Variants in SIL1 observed in about 807,000 individuals in gnomAD.
SIL1 encodes nucleotide exchange factor SIL1.
Under a neutral mutation model 49.1 loss-of-function variants are expected in SIL1, and 40 were observed. The ratio of observed to expected loss-of-function variants is 0.81; its 90% CI spans 0.63 to 1.06. The LOEUF (loss-of-function observed/expected upper bound fraction) is 1.06. SIL1 is among the 50% of genes least tolerant of loss of function. SIL1 has a pLI of 0.00. For missense variants in SIL1, 500 were observed against 572.6 expected, an observed-to-expected ratio of 0.87 and a Z score of 1.29; for synonymous variants, 253 against 250.8, an observed-to-expected ratio of 1.01 and a Z score of -0.08.
At chr5:138,994,909 T>G (rs1055231676) in intron 7 of SIL1, among the ~76,000 whole-genome samples, 1 of 152,214 alleles carries the variant, frequency 6.6e-6, no homozygotes, top group Non-Finnish European at 1.5e-5. Context: ...CCTCTTCCTG[T>G]GTCCATGTGT....
intron 7 of SIL1, among the ~76,000 whole-genome samples, chr5:138,967,651 C>T (rs1215727774): frequency 3.3e-5 from 5 of 152,076 alleles, no homozygotes; most frequent in East Asian, 1.9e-4. Flanking sequence ...ATAAAAGGGA[C>T]GTTAGATGTT....
chr5:139,044,248 C>A (rs1769104639), intron 4 of SIL1, among the ~76,000 whole-genome samples: 1 of 152,180 alleles, frequency 6.6e-6, no homozygotes, highest in Non-Finnish European at 1.5e-5. Context: ...CCCTACAGAG[C>A]ATCATCCACT....
intron 7 of SIL1, among the ~76,000 whole-genome samples, chr5:138,970,564 G>A (rs1015424623): frequency 3.9e-5 from 6 of 152,104 alleles, no homozygotes; most frequent in Admixed American, 3.9e-4. Context: ...AGCACAGCTG[G>A]GTCCAGAGGC....
chr5:139,172,915 C>G (rs1214520200), intron 1 of SIL1, among the ~76,000 whole-genome samples: 1 of 151,912 alleles, frequency 6.6e-6, no homozygotes, highest in East Asian at 1.9e-4. Context: ...TCTCTGCCCC[C>G]ACTCCAGAAC....
chr5:139,072,664 G>C (rs1769858852), intron 3 of SIL1, among the ~76,000 whole-genome samples: 1 of 152,122 alleles, frequency 6.6e-6, no homozygotes, highest in Non-Finnish European at 1.5e-5. Flanking sequence ...TGACTTTTTA[G>C]ATTTGACCCC....
intron 1 of SIL1, among the ~76,000 whole-genome samples, chr5:139,182,994 T>C (rs546384455): frequency 6.6e-6 from 1 of 152,330 alleles, no homozygotes; most frequent in East Asian, 1.9e-4. Flanking sequence ...GTCATGTTTA[T>C]TGGAGTTAGT....
At position 138,951,164 on chromosome 5, in the gene SIL1, C is replaced by T. The variant is rs371041584; in HGVS notation, c.1029+7G>A. 6.5e-5 allele frequency: 104 copies of T among 1,610,360 alleles called. No individual in the cohort carries two copies. The highest frequency in any genetic ancestry group is 1.0e-4 in the Admixed American group (6 of 59,724). ...CAAGAGGAGACTGGGTGGGCCTGGG[C>T]ACTCACCTTCTCCGTGACCAGGTCG... On this transcript the variant is annotated splice_region_variant and intron_variant, in intron 9 of 9. Transcript: ENST00000394817.
At chr5:139,032,224 C>G (rs1768809757) in intron 5 of SIL1, among the ~76,000 whole-genome samples, 1 of 152,138 alleles carries the variant, frequency 6.6e-6, no homozygotes, top group Non-Finnish European at 1.5e-5. Context: ...TTTGTAAATG[C>G]TTGTTATCAA....
At chr5:139,183,977 C>T (rs1752036315) in intron 1 of SIL1, among the ~76,000 whole-genome samples, 1 of 152,206 alleles carries the variant, frequency 6.6e-6, no homozygotes, top group Non-Finnish European at 1.5e-5. Context: ...CAATAACTCT[C>T]CGCAAAGAAT....
chr5:138,980,264 G>GA (rs1212613055), intron 7 of SIL1, among the ~76,000 whole-genome samples: 4 of 152,344 alleles, frequency 2.6e-5, no homozygotes, highest in African/African-American at 7.2e-5. Flanking sequence ...CTGAAGAGCT[G>GA]AATGTCCATG....
rs1408579080 is a variant in SIL1 at position 139,010,197 on chromosome 5, C to T, written c.767+10974G>A. On this transcript the variant is annotated intron_variant, in intron 7 of 9. Coordinates refer to ENST00000394817, the MANE Select transcript of SIL1 (RefSeq NM_022464.5). ...TTTTTTCTCTAAACTTCCCTTCTCG[C>T]TTCATTTCATTCATTTCATCTTCCA... Among the ~76,000 whole-genome samples the T allele has an allele frequency of 1.8e-4, 27 of 147,934 alleles. 1 individual carries two copies. Among genetic ancestry groups the T allele is most frequent in the Admixed American group, 1.7e-3 (25 of 14,726 alleles).
rs1440325121 is a variant in SIL1 at position 139,094,646 on chromosome 5, C to T, written c.244+26389G>A. Among the ~76,000 whole-genome samples, 5 of 152,292 alleles carry T rather than the reference C, an allele frequency of 3.3e-5. No individual in the cohort carries two copies. The South Asian group carries it at 1.0e-3, about 32-fold the overall frequency. On this transcript the variant is annotated intron_variant, in intron 3 of 9. Coordinates refer to ENST00000394817, the MANE Select transcript of SIL1 (RefSeq NM_022464.5). ...ACAGAGAGTTCCTAGAATTTCTGTA[C>T]AACATTTACTCAGTTTCAGTTCCCC...
intron 8 of SIL1, 110 bp from the exon 9 acceptor site, chr5:138,951,445 C>A (rs1766776471): frequency 5.2e-6 from 6 of 1,147,808 alleles, no homozygotes; most frequent in Admixed American, 2.1e-5. Context: ...TCCTCCCGGC[C>A]CCACCTCAGT....
chr5:139,139,602 G>A (rs1283996596), intron 1 of SIL1, among the ~76,000 whole-genome samples: 1 of 152,214 alleles, frequency 6.6e-6, no homozygotes, highest in Non-Finnish European at 1.5e-5. Flanking sequence ...ATATACAAAA[G>A]ATATTGTCAC....
intron 3 of SIL1, among the ~76,000 whole-genome samples, chr5:139,068,440 T>C (rs899154542): frequency 6.6e-6 from 1 of 152,092 alleles, no homozygotes; most frequent in African/African-American, 2.4e-5. Context: ...CAGTGCTCCC[T>C]ACCAGGACAG....
chr5:138,989,538 G>C (rs1221221527), intron 7 of SIL1, among the ~76,000 whole-genome samples: 2 of 152,118 alleles, frequency 1.3e-5, no homozygotes, highest in Non-Finnish European at 2.9e-5. Flanking sequence ...CAGCACAGGA[G>C]GGAGGGAAGA....
intron 3 of SIL1, among the ~76,000 whole-genome samples, chr5:139,052,234 C>T (rs1420958204): frequency 2.0e-5 from 3 of 150,554 alleles, no homozygotes; most frequent in Non-Finnish European, 4.4e-5. Context: ...TCACTCTATC[C>T]CCAATCAAGA....
intron 7 of SIL1, among the ~76,000 whole-genome samples, chr5:139,001,328 T>TATAACCTAGCAATTCTACTTTAAGGC (rs1767979965): frequency 6.6e-6 from 1 of 152,222 alleles, no homozygotes; most frequent in Non-Finnish European, 1.5e-5. Flanking sequence ...AAAATGTGCA[T>TATAACCTAGCAATTCTACTTTAAGGC]ATAACCTAGC....
intron 3 of SIL1, among the ~76,000 whole-genome samples, chr5:139,089,928 T>C (rs1017273998): frequency 1.3e-5 from 2 of 152,220 alleles, no homozygotes; most frequent in Non-Finnish European, 2.9e-5. Flanking sequence ...ACTGAGCTTC[T>C]CACTTTAAAA....
Sources: gnomAD v4.1 joint callset for allele counts (sites outside exome capture counted in the v4.1 genomes callset) on GRCh38, gnomAD v4.1.1 for gene constraint, MANE v1.5 for transcripts, NCBI Gene and HGNC (gene_info 2026-07-23, HGNC 2026-07-21) for gene names.